The following PCDHGA5 variants were observed in gnomAD, a reference collection of about 807,000 sequenced individuals.
PCDHGA5 encodes the protein protocadherin gamma subfamily A, 5, also known as protocadherin gamma-A5.
Under a neutral mutation model 56.7 loss-of-function variants are expected in PCDHGA5, and 36 were observed. That is an observed-to-expected ratio of 0.64 (90% CI 0.49 to 0.84). The LOEUF (loss-of-function observed/expected upper bound fraction) is 0.84, where lower values mean the gene tolerates loss of function less well. Among genes scored for constraint, PCDHGA5 ranks in the 40% least tolerant of loss-of-function variants. The pLI, the probability that PCDHGA5 is intolerant of heterozygous loss-of-function variation, is 0.00. For missense variants in PCDHGA5, 1,305 were observed against 1,201.5 expected (o/e 1.09, Z -1.27); for synonymous variants, 563 against 520.2 (o/e 1.08, Z -1.12).
chr5:141,396,525 C>T (rs2093390810), intron 1 of PCDHGA5: 1 of 151,326 alleles, frequency 6.6e-6, no homozygotes, highest in Non-Finnish European at 1.5e-5. Context: ...GAGGCTGAGG[C>T]AGAAGAATCA....
chr5:141,448,851 A>T (rs1374003271), intron 1 of PCDHGA5, among the ~76,000 whole-genome samples: 1 of 152,124 alleles, frequency 6.6e-6, no homozygotes, highest in Admixed American at 6.5e-5. Context: ...AGGCTGAGGC[A>T]GGAGAATGGC....
intron 1 of PCDHGA5, among the ~76,000 whole-genome samples, chr5:141,460,093 A>T (rs2098981983): frequency 6.6e-6 from 1 of 151,964 alleles, no homozygotes. Flanking sequence ...TAATAATTAT[A>T]CATGTAATTA....
chr5:141,494,048 G>C (rs764072099), intron 1 of PCDHGA5, among the ~76,000 whole-genome samples: 3 of 152,148 alleles, frequency 2.0e-5, no homozygotes, highest in Non-Finnish European at 2.9e-5. Flanking sequence ...GGCCCTGCTT[G>C]GAGGCTGTGG....
At chr5:141,409,986 A>G (rs995773112) in intron 1 of PCDHGA5, 27 of 1,612,796 alleles carry the variant, frequency 1.7e-5, no homozygotes, top group Non-Finnish European at 2.2e-5. Context: ...GTAGCGGTGG[A>G]CGCCGACTCG....
intron 1 of PCDHGA5, chr5:141,398,812 C>T (rs1255452758): frequency 1.9e-6 from 3 of 1,613,824 alleles, no homozygotes; most frequent in Admixed American, 3.3e-5. Context: ...CACTGAGCTC[C>T]GGATCCAGGT....
At chr5:141,383,558 C>A (rs374657057) in intron 1 of PCDHGA5, 1 of 1,612,822 alleles carries the variant, frequency 6.2e-7, no homozygotes, top group Admixed American at 1.7e-5. Flanking sequence ...GGCGGCGACC[C>A]GCCCCGATCC....
intron 1 of PCDHGA5, chr5:141,375,805 C>T: frequency 6.2e-7 from 1 of 1,614,214 alleles, no homozygotes; most frequent in South Asian, 1.1e-5. Flanking sequence ...GTTCCACTGG[C>T]GTGGAGCTGG....
chr5:141,381,417 G>C (rs954058342), intron 1 of PCDHGA5, among the ~76,000 whole-genome samples: 1 of 152,332 alleles, frequency 6.6e-6, no homozygotes, highest in Admixed American at 6.5e-5. Flanking sequence ...GTGGAGAGAC[G>C]AGTACCTCTA....
chr5:141,478,290 A>G, intron 1 of PCDHGA5: 1 of 1,614,056 alleles, frequency 6.2e-7, no homozygotes, highest in South Asian at 1.1e-5. Flanking sequence ...CAGTCTAGAG[A>G]CCTATACCGA....
chr5:141,452,848 G>A (rs1425590240), intron 1 of PCDHGA5, among the ~76,000 whole-genome samples: 9 of 152,128 alleles, frequency 5.9e-5, no homozygotes, highest in Non-Finnish European at 1.0e-4. Flanking sequence ...CCCACACTCT[G>A]GGGAGATGAT....
intron 1 of PCDHGA5, chr5:141,428,109 G>A: frequency 1.2e-6 from 2 of 1,607,850 alleles, no homozygotes; most frequent in Non-Finnish European, 1.7e-6. Context: ...CGTGCTGCAG[G>A]CCATCGAGCC....
At chr5:141,388,697 G>T in intron 1 of PCDHGA5, 1 of 1,613,998 alleles carries the variant, frequency 6.2e-7, no homozygotes, top group South Asian at 1.1e-5. Flanking sequence ...ACCAGGATGA[G>T]GGTGTCAATG....
chr5:141,482,144 G>A (rs564178008), intron 1 of PCDHGA5, among the ~76,000 whole-genome samples: 2 of 151,756 alleles, frequency 1.3e-5, no homozygotes, highest in African/African-American at 2.4e-5. Flanking sequence ...GGCATAAAAA[G>A]GTCAAGTCAA....
intron 1 of PCDHGA5, chr5:141,413,621 A>G (rs369411784): frequency 1.0e-4 from 161 of 1,613,784 alleles, no homozygotes; most frequent in Admixed American, 1.5e-4. Flanking sequence ...ATTAATGAAA[A>G]TGTCGCTGCG....
chr5:141,455,533 T>C (rs1232689740), intron 1 of PCDHGA5, among the ~76,000 whole-genome samples: 1 of 152,134 alleles, frequency 6.6e-6, no homozygotes, highest in African/African-American at 2.4e-5. Flanking sequence ...TGACCAGGCA[T>C]ATCATTCACG....
intron 1 of PCDHGA5, among the ~76,000 whole-genome samples, chr5:141,482,757 T>G: frequency 7.9e-6 from 1 of 127,194 alleles, no homozygotes; most frequent in Admixed American, 7.7e-5. Flanking sequence ...GATTATGGTA[T>G]TTCATTATCA....
intron 1 of PCDHGA5, chr5:141,414,158 G>A (rs1167529832): frequency 6.2e-7 from 1 of 1,602,572 alleles, no homozygotes; most frequent in Non-Finnish European, 8.5e-7. Flanking sequence ...GCAGAAGATG[G>A]AGGAGCATAT....
chr5:141,510,251 C>G (rs569804850), intron 3 of PCDHGA5, among the ~76,000 whole-genome samples: 1 of 144,724 alleles, frequency 6.9e-6, no homozygotes, highest in African/African-American at 2.6e-5. Flanking sequence ...CCAGGCTGGG[C>G]GACAGAGCAG....
intron 1 of PCDHGA5, chr5:141,393,960 G>T: frequency 6.2e-7 from 1 of 1,613,944 alleles, no homozygotes; most frequent in South Asian, 1.1e-5. Context: ...TGGTCAAGTT[G>T]TCTGTTACAC....
Sources: gnomAD v4.1 joint callset for allele counts (sites outside exome capture counted in the v4.1 genomes callset) on GRCh38, gnomAD v4.1.1 for gene constraint, MANE v1.5 for transcripts, NCBI Gene and HGNC (gene_info 2026-07-23, HGNC 2026-07-21) for gene names.